The following TASP1 variants were observed in gnomAD, a reference collection of about 807,000 sequenced individuals.
TASP1 encodes taspase 1, also known as threonine aspartase 1.
In TASP1, 16 loss-of-function variants were observed where a neutral mutation model predicts 56.6. The ratio of observed to expected loss-of-function variants is 0.28; its 90% CI spans 0.19 to 0.43. The LOEUF is 0.43. TASP1 is among the 20% of genes least tolerant of loss of function. The probability of loss-of-function intolerance (pLI) is 1.00; values close to 1 mark genes in which losing one functional copy is unlikely to be tolerated. For synonymous variants in TASP1, 179 were observed against 184.2 expected (o/e 0.97, Z 0.23); for missense variants, 393 against 511.6 (o/e 0.77, Z 2.24).
the TASP1 span, among the ~76,000 whole-genome samples, chr20:13,360,876 C>T: frequency 6.6e-6 from 1 of 152,148 alleles, no homozygotes; most frequent in Non-Finnish European, 1.5e-5. Flanking sequence ...CTGACATTCA[C>T]ATTTCCCCAA....
the TASP1 span, among the ~76,000 whole-genome samples, chr20:13,382,484 A>C: frequency 1.3e-5 from 2 of 152,074 alleles, 1 homozygote; most frequent in Non-Finnish European, 2.9e-5. Flanking sequence ...CTGTCTCTAC[A>C]AAATATAAAA....
At chr20:13,287,489 C>T in the TASP1 span, among the ~76,000 whole-genome samples, 3 of 152,150 alleles carry the variant, frequency 2.0e-5, no homozygotes, top group Non-Finnish European at 4.4e-5. Flanking sequence ...AGGGTACCAC[C>T]CTCTCCCACA....
chr20:13,555,004 T>C (rs1345864077), intron 8 of TASP1, among the ~76,000 whole-genome samples: 1 of 152,188 alleles, frequency 6.6e-6, no homozygotes, highest in Non-Finnish European at 1.5e-5. Context: ...TGATGTTACT[T>C]GACAGCATTT....
chr20:13,572,705 A>C (rs965802876), intron 6 of TASP1, among the ~76,000 whole-genome samples: 1 of 150,426 alleles, frequency 6.6e-6, no homozygotes, highest in Admixed American at 6.6e-5. Flanking sequence ...AAAAAAAAAA[A>C]CTCTCAAGAA....
At chr20:13,558,870 T>G in intron 8 of TASP1, 138 bp downstream of exon 8, 1 of 425,214 alleles carries the variant, frequency 2.4e-6, no homozygotes, top group Non-Finnish European at 4.2e-6. Flanking sequence ...ATTTTTAATG[T>G]AGCTACTGAA....
the TASP1 span, among the ~76,000 whole-genome samples, chr20:13,257,829 T>G: frequency 5.9e-5 from 9 of 152,198 alleles, no homozygotes; most frequent in African/African-American, 2.2e-4. Context: ...CTCTGAGAAC[T>G]GTTATTCTGG....
the TASP1 span, among the ~76,000 whole-genome samples, chr20:13,339,915 T>A: frequency 6.6e-6 from 1 of 152,088 alleles, no homozygotes; most frequent in Non-Finnish European, 1.5e-5. Context: ...GGAGTCCTTT[T>A]TTCTCTTATT....
chr20:13,601,566 T>C (rs963539642), intron 4 of TASP1, among the ~76,000 whole-genome samples: 1 of 152,100 alleles, frequency 6.6e-6, no homozygotes, highest in African/African-American at 2.4e-5. Context: ...AAGAAAATTT[T>C]TGCAAAAGAA....
chr20:13,626,122 A>C (rs2048877247), intron 2 of TASP1, among the ~76,000 whole-genome samples: 1 of 152,142 alleles, frequency 6.6e-6, no homozygotes, highest in African/African-American at 2.4e-5. Flanking sequence ...AATGTATGGA[A>C]GGTTAAGAAA....
intron 9 of TASP1, among the ~76,000 whole-genome samples, chr20:13,528,956 A>G (rs2045103718): frequency 6.6e-6 from 1 of 152,170 alleles, no homozygotes. Context: ...GGGCAGACCT[A>G]GGAATCAGTA....
intron 13 of TASP1, among the ~76,000 whole-genome samples, chr20:13,409,170 C>T (rs1472667175): frequency 6.6e-6 from 1 of 151,982 alleles, no homozygotes; most frequent in Non-Finnish European, 1.5e-5. Context: ...AAATAATTGT[C>T]AGCTTCTCTT....
At chr20:13,357,594 T>C in the TASP1 span, among the ~76,000 whole-genome samples, 1 of 152,190 alleles carries the variant, frequency 6.6e-6, no homozygotes, top group African/African-American at 2.4e-5. Context: ...GGAGATTGCT[T>C]ATAGTCTTAT....
At chr20:13,237,450 G>A in the TASP1 span, among the ~76,000 whole-genome samples, 2 of 152,302 alleles carry the variant, frequency 1.3e-5, no homozygotes, top group East Asian at 1.9e-4. Context: ...GTTGAGTGAA[G>A]GAAACCAGGC....
At chr20:13,178,494 T>A in the TASP1 span, among the ~76,000 whole-genome samples, 1 of 152,088 alleles carries the variant, frequency 6.6e-6, no homozygotes, top group Non-Finnish European at 1.5e-5. Context: ...AAATAGGTGA[T>A]CTACCTAGGT....
chr20:13,248,541 A>G, the TASP1 span, among the ~76,000 whole-genome samples: 1 of 152,234 alleles, frequency 6.6e-6, no homozygotes, highest in Non-Finnish European at 1.5e-5. Flanking sequence ...TTTCATAATA[A>G]ATAAGACCAT....
At chr20:13,300,855 CAT>C in the TASP1 span, among the ~76,000 whole-genome samples, 2,143 of 152,312 alleles carry the variant, frequency 0.014, 15 homozygotes, top group Middle Eastern at 0.024. Flanking sequence ...CCCATTGACA[CAT>C]GTGTGACTTT....
chr20:13,401,487 G>C (rs1007635138), intron 13 of TASP1, among the ~76,000 whole-genome samples: 1 of 152,088 alleles, frequency 6.6e-6, no homozygotes, highest in African/African-American at 2.4e-5. Flanking sequence ...GATATACCTA[G>C]TAGATTCCAC....
chr20:13,428,605 G>A (rs1282693827), intron 12 of TASP1, among the ~76,000 whole-genome samples: 1 of 152,158 alleles, frequency 6.6e-6, no homozygotes, highest in Non-Finnish European at 1.5e-5. Context: ...GCGATTTGTA[G>A]GCTGGGCTTT....
At chr20:13,287,236 T>C in the TASP1 span, among the ~76,000 whole-genome samples, 1 of 152,084 alleles carries the variant, frequency 6.6e-6, no homozygotes, top group Non-Finnish European at 1.5e-5. Context: ...ACAATCATGG[T>C]GGAAGGCAAA....
Sources: gnomAD v4.1 joint callset for allele counts (sites outside exome capture counted in the v4.1 genomes callset) on GRCh38, gnomAD v4.1.1 for gene constraint, MANE v1.5 for transcripts, NCBI Gene and HGNC (gene_info 2026-07-23, HGNC 2026-07-21) for gene names.